WDPCP: variants seen among roughly 807,000 people sequenced by gnomAD.
WDPCP encodes WD repeat-containing and planar cell polarity effector protein fritz homolog.
A neutral mutation model predicts 93.1 loss-of-function variants in WDPCP; 71 were observed. That is an observed-to-expected ratio of 0.76 (90% CI 0.63 to 0.93). WDPCP has a LOEUF of 0.93. WDPCP is among the 40% of genes least tolerant of loss of function. The probability of loss-of-function intolerance (pLI) is 0.00; values close to 1 mark genes in which losing one functional copy is unlikely to be tolerated. For missense variants in WDPCP, 844 were observed against 887.4 expected, an observed-to-expected ratio of 0.95 and a Z score of 0.62; for synonymous variants, 315 against 315.0, an observed-to-expected ratio of 1.00 and a Z score of 0.00.
chr2:63,686,706 C>T (rs13417333), intron 2 of WDPCP, among the ~76,000 whole-genome samples: 62,883 of 152,008 alleles, frequency 0.41, 14,244 homozygotes, highest in African/African-American at 0.6. Context: ...CAGAATGGTA[C>T]TCGCATAAAA....
At chr2:63,228,134 T>C (rs1173095227) in intron 14 of WDPCP, among the ~76,000 whole-genome samples, 1 of 152,080 alleles carries the variant, frequency 6.6e-6, no homozygotes, top group Non-Finnish European at 1.5e-5. Flanking sequence ...TTTTATCTTC[T>C]GAAAATCTCC....
At chr2:63,354,676 G>A (rs1394519479) in intron 12 of WDPCP, among the ~76,000 whole-genome samples, 1 of 151,804 alleles carries the variant, frequency 6.6e-6, no homozygotes, top group Non-Finnish European at 1.5e-5. Context: ...ATATGTGTGT[G>A]TGTGTACATA....
chr2:63,633,710 CAATT>C (rs1045110332), intron 3 of WDPCP, among the ~76,000 whole-genome samples: 14 of 152,172 alleles, frequency 9.2e-5, no homozygotes, highest in African/African-American at 3.4e-4. Context: ...AGCCAGAAAA[CAATT>C]AACAAGATGG....
intron 1 of WDPCP, among the ~76,000 whole-genome samples, chr2:63,513,306 A>C (rs1447927870): frequency 6.6e-6 from 1 of 152,216 alleles, no homozygotes; most frequent in Non-Finnish European, 1.5e-5. Flanking sequence ...AAATGTAAAC[A>C]TACAATATTG....
chr2:63,303,172 C>T (rs1330926670), intron 13 of WDPCP, among the ~76,000 whole-genome samples: 1 of 152,220 alleles, frequency 6.6e-6, no homozygotes, highest in Non-Finnish European at 1.5e-5. Flanking sequence ...ACTATAACTT[C>T]CAAGGCCTGC....
At chr2:63,145,564 C>T (rs570576287) in intron 17 of WDPCP, among the ~76,000 whole-genome samples, 50 of 152,288 alleles carry the variant, frequency 3.3e-4, no homozygotes, top group African/African-American at 1.2e-3. Flanking sequence ...TGGCCTCACC[C>T]AGCTCCCATG....
chr2:63,547,492 TA>T (rs1705237744), intron 1 of WDPCP, among the ~76,000 whole-genome samples: 1 of 151,854 alleles, frequency 6.6e-6, no homozygotes, highest in Non-Finnish European at 1.5e-5. Flanking sequence ...CAAAATTTGC[TA>T]AAGTATGGAA....
intron 1 of WDPCP, among the ~76,000 whole-genome samples, chr2:63,575,401 A>ATATACAG (rs1362257239): frequency 9.3e-5 from 2 of 21,470 alleles, no homozygotes; most frequent in African/African-American, 1.6e-4. Context: ...TATATACAGT[A>ATATACAG]TATATACAGT....
intron 14 of WDPCP, among the ~76,000 whole-genome samples, chr2:63,203,473 A>G (rs1676083827): frequency 2.0e-5 from 3 of 152,072 alleles, no homozygotes; most frequent in Non-Finnish European, 4.4e-5. Context: ...AACCCTTCCC[A>G]GCTCTGGTAA....
chr2:63,263,811 A>G (rs1681858354), intron 13 of WDPCP, among the ~76,000 whole-genome samples: 1 of 152,242 alleles, frequency 6.6e-6, no homozygotes, highest in Non-Finnish European at 1.5e-5. Context: ...AAGTCTAAAT[A>G]TACTGAAGAA....
chr2:63,478,537 C>T (rs1261248743), intron 6 of WDPCP, among the ~76,000 whole-genome samples: 2 of 152,082 alleles, frequency 1.3e-5, no homozygotes, highest in Non-Finnish European at 2.9e-5. Context: ...CCCTCAAAAC[C>T]ATGCAAATAC....
intron 3 of WDPCP, chr2:63,605,473 TAGC>T (rs1709510839): frequency 9.9e-7 from 1 of 1,007,874 alleles, no homozygotes; most frequent in Non-Finnish European, 1.5e-6. Context: ...AATATAGCCT[TAGC>T]AGTCAGTCAG....
chr2:63,648,776 G>T (rs927235113), intron 3 of WDPCP, among the ~76,000 whole-genome samples: 1 of 152,108 alleles, frequency 6.6e-6, no homozygotes, highest in Non-Finnish European at 1.5e-5. Context: ...CCTTAGAAAT[G>T]GTCCACTCTG....
chr2:63,589,213 G>A, upstream of WDPCP: 1 of 1,577,356 alleles, frequency 6.3e-7, no homozygotes, highest in African/African-American at 1.3e-5. Flanking sequence ...ACCCAGTAAT[G>A]GGAAGGGATT....
rs1402088527 is a variant in WDPCP at position 63,575,439 on chromosome 2, G to GTATATATACAC, written c.75+12757_75+12758insGTGTATATATA. 5.3e-3 allele frequency among the ~76,000 whole-genome samples: 489 copies of GTATATATACAC among 92,000 alleles called. 138 individuals are homozygous for GTATATATACAC. Among genetic ancestry groups the GTATATATACAC allele is most frequent in the African/African-American group, 0.026 (471 of 17,780 alleles). 60.4% of individuals were successfully genotyped at this position (92,000 alleles called of 152,430 possible). On this transcript the variant is annotated intron_variant, in intron 1 of 17. Coordinates refer to ENST00000272321, the MANE Select transcript of WDPCP (RefSeq NM_015910.7). ...ATACACTGTATACAGTGTATATACAGTGTATACACTGTATATACAGTATAT... is the reference window on the plus strand; with the variant it reads ...ATACACTGTATACAGTGTATATACAGTATATATACACTGTATACACTGTATATACAGTATAT...
At chr2:63,233,395 C>A in intron 14 of WDPCP, 1 of 225,526 alleles carries the variant, frequency 4.4e-6, no homozygotes, top group South Asian at 7.6e-5. Flanking sequence ...CTACACAGTT[C>A]AAGAGTGGGA....
intron 17 of WDPCP, among the ~76,000 whole-genome samples, chr2:63,149,216 A>G (rs538388089): frequency 1.3e-5 from 2 of 152,332 alleles, no homozygotes; most frequent in Admixed American, 1.3e-4. Flanking sequence ...ACATAGGAAT[A>G]GGCATTTCAA....
At chr2:63,605,535 GGTTT>G (rs1709511766) in intron 3 of WDPCP, 1 of 654,774 alleles carries the variant, frequency 1.5e-6, no homozygotes, top group Non-Finnish European at 2.7e-6. Context: ...TAAACTTCGG[GGTTT>G]GTTAGCCTTG....
At chr2:63,681,217 C>T (rs977175927) in intron 2 of WDPCP, among the ~76,000 whole-genome samples, 3 of 152,178 alleles carry the variant, frequency 2.0e-5, no homozygotes, top group South Asian at 2.1e-4. Context: ...GCCACAGGGA[C>T]GTACAGCACC....
Sources: allele counts gnomAD v4.1 joint callset (sites outside exome capture counted in the v4.1 genomes callset), GRCh38; gene constraint gnomAD v4.1.1; transcripts MANE v1.5; gene names NCBI Gene and HGNC (gene_info 2026-07-23, HGNC 2026-07-21).